GRIN2B: variants seen among roughly 807,000 people sequenced by gnomAD.
GRIN2B encodes the protein glutamate ionotropic receptor NMDA type subunit 2B, also known as glutamate receptor ionotropic, NMDA 2B.
GRIN2B carries 5 observed loss-of-function variants against 114.5 expected under a neutral mutation model. The ratio of observed to expected loss-of-function variants is 0.04; its 90% CI spans 0.02 to 0.09. The LOEUF (loss-of-function observed/expected upper bound fraction) is 0.09, where lower values mean the gene tolerates loss of function less well. Among genes scored for constraint, GRIN2B ranks in the 10% least tolerant of loss-of-function variants. The pLI is 1.00. For synonymous variants in GRIN2B, 787 were observed against 745.1 expected (o/e 1.06, Z -0.92); for missense variants, 1,108 against 1,943.5 (o/e 0.57, Z 8.08).
At chr12:13,974,945 AAAAG>A (rs1408235164) in intron 2 of GRIN2B, among the ~76,000 whole-genome samples, 1 of 152,254 alleles carries the variant, frequency 6.6e-6, no homozygotes, top group African/African-American at 2.4e-5. Context: ...AAGAAGAAAA[AAAAG>A]AAAGAGAGGA....
rs138147337 is a variant in GRIN2B, at chr12:13,702,071, T to C, written c.1011-26212A>G. On this transcript the variant is annotated intron_variant, in intron 4 of 13. Coordinates refer to ENST00000609686, the MANE Select transcript of GRIN2B (RefSeq NM_000834.5). ...GCAATTTGCCGACAAATAATCACAT[T>C]AATTAAGATTTGTATAAGTGTTTTA... is the stretch of plus-strand genomic sequence containing the variant. Among the ~76,000 whole-genome samples, 92 of 152,330 alleles carry C rather than the reference T, an allele frequency of 6.0e-4. No homozygotes were observed. In the East Asian group the frequency reaches 0.013, roughly 22 times the overall value.
intron 4 of GRIN2B, among the ~76,000 whole-genome samples, chr12:13,680,433 AG>A (rs1565497936): frequency 8.2e-6 from 1 of 122,226 alleles, no homozygotes; most frequent in Non-Finnish European, 1.7e-5. Context: ...AGTCCCATCA[AG>A]GTTGTGTGTG....
chr12:13,804,233 G>GT (rs35452504), intron 3 of GRIN2B, among the ~76,000 whole-genome samples: 22,838 of 143,618 alleles, frequency 0.16, 2,286 homozygotes, highest in Non-Finnish European at 0.23. Context: ...TCTGTGGACT[G>GT]TTTTTTTTTT....
chr12:13,595,290 C>T (rs566018481), intron 10 of GRIN2B, among the ~76,000 whole-genome samples: 2 of 152,170 alleles, frequency 1.3e-5, no homozygotes, highest in South Asian at 2.1e-4. Context: ...GTGTGTTGAT[C>T]GTTCTCATGC....
At chr12:13,772,528 C>T (rs553836498) in intron 3 of GRIN2B, among the ~76,000 whole-genome samples, 3 of 152,154 alleles carry the variant, frequency 2.0e-5, no homozygotes, top group Non-Finnish European at 4.4e-5. Flanking sequence ...ACAGTGTACT[C>T]GCTGAAGTAT....
At chr12:13,734,115 A>G (rs1488982007) in intron 4 of GRIN2B, among the ~76,000 whole-genome samples, 1 of 152,262 alleles carries the variant, frequency 6.6e-6, no homozygotes, top group African/African-American at 2.4e-5. Flanking sequence ...TTCCATTCTA[A>G]GTTTCAATTT....
At chr12:13,892,314 A>C (rs1359627082) in intron 2 of GRIN2B, among the ~76,000 whole-genome samples, 1 of 152,226 alleles carries the variant, frequency 6.6e-6, no homozygotes, top group Admixed American at 6.5e-5. Context: ...CCGAGTTCTA[A>C]TTTGTATTTT....
chr12:13,607,719 T>TG (rs557037464), intron 10 of GRIN2B, among the ~76,000 whole-genome samples: 1 of 38,728 alleles, frequency 2.6e-5, no homozygotes, highest in African/African-American at 1.1e-4. Flanking sequence ...GGCTTCATCC[T>TG]GGGGGGGTGG....
At chr12:13,926,488 T>C (rs1298572325) in intron 2 of GRIN2B, among the ~76,000 whole-genome samples, 1 of 152,150 alleles carries the variant, frequency 6.6e-6, no homozygotes, top group Non-Finnish European at 1.5e-5. Flanking sequence ...AGAGACCACC[T>C]TGTACGATAA....
intron 3 of GRIN2B, among the ~76,000 whole-genome samples, chr12:13,767,661 T>C (rs1257762132): frequency 6.6e-6 from 1 of 152,158 alleles, no homozygotes; most frequent in Non-Finnish European, 1.5e-5. Flanking sequence ...ATTTTGGTTA[T>C]CTATGTAACA....
At chr12:13,603,795 A>G (rs531441787) in intron 10 of GRIN2B, among the ~76,000 whole-genome samples, 1 of 152,128 alleles carries the variant, frequency 6.6e-6, no homozygotes, top group South Asian at 2.1e-4. Flanking sequence ...GATTAGCTAC[A>G]GGAGAAGCAC....
At chr12:13,646,575 A>G (rs1004974139) in intron 5 of GRIN2B, among the ~76,000 whole-genome samples, 6 of 152,144 alleles carry the variant, frequency 3.9e-5, no homozygotes, top group African/African-American at 1.4e-4. Flanking sequence ...CAAAGGTGAT[A>G]TAATGTCACT....
chr12:13,570,094 C>A, intron 11 of GRIN2B, 77 bp from the exon 12 acceptor site: 1 of 981,870 alleles, frequency 1.0e-6, no homozygotes, highest in Non-Finnish European at 1.6e-6. Context: ...TAATATGAAG[C>A]AGTAGGGTTC....
At chr12:13,823,351 C>G (rs956728371) in intron 3 of GRIN2B, among the ~76,000 whole-genome samples, 9 of 151,910 alleles carry the variant, frequency 5.9e-5, no homozygotes, top group African/African-American at 2.2e-4. Context: ...CTCAGCAATG[C>G]TTCATAGTTT....
At chr12:13,786,130 G>T (rs755558765) in intron 3 of GRIN2B, among the ~76,000 whole-genome samples, 4 of 152,088 alleles carry the variant, frequency 2.6e-5, no homozygotes, top group Non-Finnish European at 5.9e-5. Context: ...TTTTGCCTTT[G>T]CCCACTTTTT....
At chr12:13,850,760 G>A (rs1188181261) in intron 3 of GRIN2B, among the ~76,000 whole-genome samples, 1 of 152,166 alleles carries the variant, frequency 6.6e-6, no homozygotes, top group Non-Finnish European at 1.5e-5. Context: ...CAGGAGGGCT[G>A]AATAAATAAA....
At chr12:13,863,283 A>C (rs553592664) in intron 3 of GRIN2B, among the ~76,000 whole-genome samples, 2 of 152,322 alleles carry the variant, frequency 1.3e-5, no homozygotes, top group African/African-American at 4.8e-5. Context: ...GTTCTCTTGT[A>C]GTTAGACTCC....
chr12:13,949,331 C>T (rs1011555654), intron 2 of GRIN2B, among the ~76,000 whole-genome samples: 1 of 152,128 alleles, frequency 6.6e-6, no homozygotes, highest in African/African-American at 2.4e-5. Flanking sequence ...CCAATCTTTC[C>T]AACTCCTAGG....
Position 13,549,954 on chromosome 12 carries a change from G to A in GRIN2B, c.*12829C>T, listed in dbSNP as rs970642827. Reference sequence around the variant, plus strand: ...TGACTTTTCTCCACTGCTAGATGCTGAAAACCTACAGTGGGGGCAGACAAT... The same window carrying A: ...TGACTTTTCTCCACTGCTAGATGCTAAAAACCTACAGTGGGGGCAGACAAT... On this transcript the variant is annotated 3_prime_UTR_variant, in exon 14 of 14. Coordinates refer to ENST00000609686, the MANE Select transcript of GRIN2B (RefSeq NM_000834.5). 6.6e-6 allele frequency: 1 copy of A among 152,146 alleles called. No individual in the cohort carries two copies. The highest frequency in any genetic ancestry group is 2.4e-5 in the African/African-American group (1 of 41,430). 9.4% of individuals were successfully genotyped at this position (152,146 alleles called of 1,614,324 possible). A position where few individuals can be genotyped will look rare whatever the true frequency, so the allele number is the denominator to read the frequency against.
Sources: gnomAD v4.1 joint callset for allele counts (sites outside exome capture counted in the v4.1 genomes callset) on GRCh38, gnomAD v4.1.1 for gene constraint, MANE v1.5 for transcripts, NCBI Gene and HGNC (gene_info 2026-07-23, HGNC 2026-07-21) for gene names.